The following ZBTB7A variants were observed in gnomAD, a reference collection of about 807,000 sequenced individuals.
ZBTB7A encodes zinc finger and BTB domain-containing protein 7A.
ZBTB7A carries 7 observed loss-of-function variants against 26.7 expected under a neutral mutation model. The ratio of observed to expected loss-of-function variants is 0.26; its 90% CI spans 0.15 to 0.49. The LOEUF (loss-of-function observed/expected upper bound fraction) is 0.49, where lower values mean the gene tolerates loss of function less well. Ranked by LOEUF, ZBTB7A falls within the 20% of genes least tolerant of loss-of-function variation. ZBTB7A has a pLI of 0.98. For missense variants in ZBTB7A, 617 were observed against 919.5 expected (o/e 0.67, Z 4.25); for synonymous variants, 452 against 441.0 (o/e 1.02, Z -0.31).
chr19:4,062,015 C>T (rs1297203621), intron 1 of ZBTB7A: 1 of 152,282 alleles, frequency 6.6e-6, no homozygotes, highest in Non-Finnish European at 1.5e-5. Context: ...GCCGAGGTGA[C>T]CTCTCTCTCC....
At chr19:4,062,032 T>G (rs886100628) in intron 1 of ZBTB7A, 1 of 152,206 alleles carries the variant, frequency 6.6e-6, no homozygotes, top group Admixed American at 6.5e-5. Flanking sequence ...CTCCCTCCCC[T>G]GAGGGAGGCC....
intron 1 of ZBTB7A, among the ~76,000 whole-genome samples, chr19:4,057,355 T>C (rs2040591413): frequency 6.6e-6 from 1 of 151,744 alleles, no homozygotes; most frequent in Admixed American, 6.6e-5. Context: ...GAAAAATAAA[T>C]AAATAAGGAA....
At chr19:4,057,798 AC>A (rs1379436139) in intron 1 of ZBTB7A, among the ~76,000 whole-genome samples, 4 of 150,890 alleles carry the variant, frequency 2.7e-5, no homozygotes, top group East Asian at 1.9e-4. Flanking sequence ...AAAAAAAAAA[AC>A]AATAACAACA....
chr19:4,050,757 CTCTTT>C (rs2040494904), intron 2 of ZBTB7A, among the ~76,000 whole-genome samples: 1 of 152,154 alleles, frequency 6.6e-6, no homozygotes, highest in African/African-American at 2.4e-5. Context: ...TTCACCAACT[CTCTTT>C]GACTTTTTTT....
chr19:4,054,636 C>T lies in ZBTB7A; in HGVS notation c.597G>A (p.Lys199=). The T allele has an allele frequency of 1.3e-6, 2 of 1,597,184 alleles. No homozygotes were observed. The highest frequency in any genetic ancestry group is 1.7e-6 in the Non-Finnish European group (2 of 1,173,540). ...CGGCCACAGCGGCGGCCACGGCCTC[C>T]TTGGTGGCATCCAGGTCATCATCGG... is the stretch of plus-strand genomic sequence containing the variant. ...GASDDDLDAT[K]EAVAAAVAAV... is the part of the protein sequence containing the mutation. The change falls in exon 2 of 3, where the codon AAG becomes AAA. Residue 199 remains lysine, a synonymous_variant. Coordinates refer to ENST00000322357, the MANE Select transcript of ZBTB7A (RefSeq NM_015898.4).
At chr19:4,060,232 C>T (rs956339979) in intron 1 of ZBTB7A, among the ~76,000 whole-genome samples, 2 of 152,098 alleles carry the variant, frequency 1.3e-5, no homozygotes, top group South Asian at 4.1e-4. Flanking sequence ...CCCAGGGTGG[C>T]GCATAGTAGG....
chr19:4,051,272 C>CCCACAT (rs2040502024), intron 2 of ZBTB7A, among the ~76,000 whole-genome samples: 1 of 152,046 alleles, frequency 6.6e-6, no homozygotes, highest in African/African-American at 2.4e-5. Flanking sequence ...CCTGTTGTGC[C>CCCACAT]CCACATCTGA....
At position 4,054,653 on chromosome 19, in the gene ZBTB7A, C is replaced by T; in HGVS notation, c.580G>A (p.Asp194Asn). ...PWSAFGASDD[D>N]LDATKEAVAA... The stretch of plus-strand genomic sequence containing the variant: ...ACGGCCTCCTTGGTGGCATCCAGGT[C>T]ATCATCGGACGCCCCAAAGGCGGAC... Residue 194 changes from aspartate (D) to asparagine (N), a missense_variant, in exon 2 of 3, where the codon GAC (aspartate) becomes AAC (asparagine). Physicochemically the swap from Asp to Asn is conservative, Grantham distance 23. Around this residue, in one of 5 missense-constraint regions of ZBTB7A, gnomAD observed 331 missense variants for 391.3 expected, o/e 0.85. Coordinates refer to ENST00000322357, the MANE Select transcript of ZBTB7A (RefSeq NM_015898.4). 1.3e-6 allele frequency: 2 copies of T among 1,597,958 alleles called. No homozygotes were observed. The highest frequency in any genetic ancestry group is 1.7e-4 in the Middle Eastern group (1 of 6,040).
At chr19:4,056,860 C>A (rs1456525205) in intron 1 of ZBTB7A, among the ~76,000 whole-genome samples, 1 of 150,484 alleles carries the variant, frequency 6.6e-6, no homozygotes, top group African/African-American at 2.4e-5. Context: ...GAGCGAGACT[C>A]CGTCTTAAAA....
Position 4,061,268 on chromosome 19 carries a change from C to T in ZBTB7A, c.-16+5414G>A, listed in dbSNP as rs138863526. Among the ~76,000 whole-genome samples, 674 of 152,298 alleles carry T rather than the reference C, an allele frequency of 4.4e-3. 4 individuals are homozygous for T. The highest frequency in any genetic ancestry group is 0.016 in the African/African-American group (651 of 41,560). ...TGAGTGGTGGGGCCTGAGGAGGAAG[C>T]TGGAAGGGGAGATCAGGCCCAGAGA... is the stretch of plus-strand genomic sequence containing the variant. On this transcript the variant is annotated intron_variant, in intron 1 of 2. Coordinates refer to ENST00000322357, the MANE Select transcript of ZBTB7A (RefSeq NM_015898.4).
At chr19:4,053,324 G>C (rs1227447517) in intron 2 of ZBTB7A, among the ~76,000 whole-genome samples, 1 of 152,252 alleles carries the variant, frequency 6.6e-6, no homozygotes, top group East Asian at 1.9e-4. Context: ...GGTCAGGGAA[G>C]CGTTCGTTGG....
Position 4,047,780 on chromosome 19 carries a change from T to C in ZBTB7A, c.1727A>G (p.Asp576Gly). 1 of 1,600,522 alleles carries C rather than the reference T, an allele frequency of 6.2e-7. No homozygotes were observed. The highest frequency in any genetic ancestry group is 8.5e-7 in the Non-Finnish European group (1 of 1,174,216). ...DSGGGPGAAT[D>G]GNFTAGLA ...GGCGAGTCCGGCTGTGAAGTTACCGTCGGTGGCGGCCCCGGGGCCACCTCC... is the reference window on the plus strand; with the variant it reads ...GGCGAGTCCGGCTGTGAAGTTACCGCCGGTGGCGGCCCCGGGGCCACCTCC... The change falls in exon 3 of 3, where the codon GAC (aspartate) becomes GGC (glycine). Residue 576 changes from aspartate to glycine, a missense_variant. By Grantham distance (94) the Asp-to-Gly change is moderately conservative. Transcript: ENST00000322357.
intron 1 of ZBTB7A, among the ~76,000 whole-genome samples, chr19:4,058,298 GCCACC>G (rs1362937976): frequency 6.6e-6 from 1 of 152,172 alleles, no homozygotes; most frequent in Non-Finnish European, 1.5e-5. Context: ...CCAACTCTCA[GCCACC>G]CCAGCTGAGC....
At position 4,053,670 on chromosome 19, in the gene ZBTB7A, ATG is replaced by A. The variant is rs560915438; in HGVS notation, c.1262+299_1262+300del. Among the ~76,000 whole-genome samples the A allele has an allele frequency of 1.5e-3, 212 of 140,902 alleles. 1 individual carries two copies. The highest frequency in any genetic ancestry group is 5.5e-3 in the African/African-American group (204 of 36,814). 92.4% of individuals were successfully genotyped at this position (140,902 alleles called of 152,430 possible). A position where few individuals can be genotyped will look rare whatever the true frequency, so the allele number is the denominator to read the frequency against. Reference sequence around the variant, plus strand: ...GTCTGTGTAGCATGTCTGTATGTGTATGTGGTGTGCGTGTGCGTGTGTGCGTC... The same window carrying A: ...GTCTGTGTAGCATGTCTGTATGTGTATGGTGTGCGTGTGCGTGTGTGCGTC... On this transcript the variant is annotated intron_variant, in intron 2 of 2. Transcript: ENST00000322357.
intron 1 of ZBTB7A, among the ~76,000 whole-genome samples, chr19:4,057,177 C>G (rs929250982): frequency 6.7e-6 from 1 of 149,010 alleles, no homozygotes; most frequent in Non-Finnish European, 1.5e-5. Flanking sequence ...GGTGAAATCT[C>G]GTCTCTACTA....
intron 2 of ZBTB7A, among the ~76,000 whole-genome samples, chr19:4,049,764 G>A (rs2040478002): frequency 6.6e-6 from 1 of 152,194 alleles, no homozygotes; most frequent in African/African-American, 2.4e-5. Flanking sequence ...GACGTGCAAA[G>A]GTGCAAAGCA....
rs1192858440 is a variant in ZBTB7A at position 4,043,850 on chromosome 19, C to G, written c.*3902G>C. 2.1e-5 allele frequency among the ~76,000 whole-genome samples: 3 copies of G among 144,992 alleles called. No homozygotes were observed. Among genetic ancestry groups the G allele is most frequent in the Admixed American group, 1.4e-4 (2 of 14,716 alleles). The stretch of plus-strand genomic sequence containing the variant: ...CCTGCGCCAGCCACCCACCACCCCC[C>G]CCCCCCCACCTCCAGGAAGGCTGCT... On this transcript the variant is annotated 3_prime_UTR_variant, in exon 3 of 3. Transcript: ENST00000322357.
In ZBTB7A at chr19:4,043,971, T is replaced by A. The variant is rs1006947136; in HGVS notation, c.*3781A>T. 7.2e-6 allele frequency among the ~76,000 whole-genome samples: 1 copy of A among 138,332 alleles called. No homozygotes were observed. Among genetic ancestry groups the A allele is most frequent in the Non-Finnish European group, 1.5e-5 (1 of 67,888 alleles). 90.8% of individuals were successfully genotyped at this position (138,332 alleles called of 152,430 possible). On this transcript the variant is annotated 3_prime_UTR_variant, in exon 3 of 3. Transcript: ENST00000322357. ...TGCTTTTTTTGTTGGTTTTTAATAT[T>A]TTTTTTTCTTCTGTTTTTCCTTTCA...
chr19:4,059,755 C>T (rs1367005481), intron 1 of ZBTB7A, among the ~76,000 whole-genome samples: 1 of 151,372 alleles, frequency 6.6e-6, no homozygotes, highest in Admixed American at 6.6e-5. Flanking sequence ...CCACGCCCTG[C>T]GCCAATGCCC....
Sources: gnomAD v4.1 joint callset for allele counts (sites outside exome capture counted in the v4.1 genomes callset) on GRCh38, gnomAD v4.1.1 for gene constraint, gnomAD v4.1.1 regional missense constraint, MANE v1.5 for transcripts, NCBI Gene and HGNC (gene_info 2026-07-23, HGNC 2026-07-21) for gene names.